Variants in TMEM132D observed in about 807,000 individuals in gnomAD.
TMEM132D encodes mature OL transmembrane protein.
Under a neutral mutation model 62.3 loss-of-function variants are expected in TMEM132D, and 21 were observed. The ratio of observed to expected loss-of-function variants is 0.34; its 90% CI spans 0.24 to 0.49. The LOEUF is 0.49. Ranked by LOEUF, TMEM132D falls within the 20% of genes least tolerant of loss-of-function variation. TMEM132D has a pLI of 0.99. For missense variants in TMEM132D, 1,346 were observed against 1,402.8 expected (o/e 0.96, Z 0.65); for synonymous variants, 621 against 575.6 (o/e 1.08, Z -1.13).
intron 4 of TMEM132D, among the ~76,000 whole-genome samples, chr12:129,244,605 ATGTT>A (rs142267614): frequency 0.017 from 2,518 of 151,844 alleles, 73 homozygotes; most frequent in African/African-American, 0.058. Flanking sequence ...GTGTTTTTTT[ATGTT>A]TGTTTGTTTT....
intron 3 of TMEM132D, among the ~76,000 whole-genome samples, chr12:129,431,583 C>T (rs1283714128): frequency 6.6e-6 from 1 of 152,120 alleles, no homozygotes; most frequent in Non-Finnish European, 1.5e-5. Context: ...CTGGTGCAAG[C>T]CAAGGTCACC....
chr12:129,841,402 C>T (rs1429063843), intron 1 of TMEM132D, among the ~76,000 whole-genome samples: 1 of 152,136 alleles, frequency 6.6e-6, no homozygotes, highest in Non-Finnish European at 1.5e-5. Context: ...TTATTTCATT[C>T]ATTCGGGGCT....
In TMEM132D at chr12:129,421,189, C is replaced by T. The variant is rs147585692; in HGVS notation, c.1116-83372G>A. Among the ~76,000 whole-genome samples the T allele has an allele frequency of 4.0e-3, 611 of 152,160 alleles. 4 individuals are homozygous for T. The highest frequency in any genetic ancestry group is 0.014 in the African/African-American group (579 of 41,494). On this transcript the variant is annotated intron_variant, in intron 3 of 8. Coordinates refer to ENST00000422113, the MANE Select transcript of TMEM132D (RefSeq NM_133448.3). ...TGTTGTTCGGGCTGGTCTCGAACTCCCGGCCTCAAATGATCCGCCTGCCTC... is the reference window on the plus strand; with the variant it reads ...TGTTGTTCGGGCTGGTCTCGAACTCTCGGCCTCAAATGATCCGCCTGCCTC...
chr12:129,630,340 C>T (rs571355839), intron 2 of TMEM132D, among the ~76,000 whole-genome samples: 2 of 152,288 alleles, frequency 1.3e-5, no homozygotes, highest in South Asian at 4.1e-4. Flanking sequence ...AGAAAAACCA[C>T]AGGACACAGA....
chr12:129,537,023 G>A (rs913851910), intron 2 of TMEM132D, among the ~76,000 whole-genome samples: 3 of 151,962 alleles, frequency 2.0e-5, no homozygotes, highest in East Asian at 1.9e-4. Flanking sequence ...AGATGTGGTG[G>A]TGTATGCCTG....
intron 4 of TMEM132D, among the ~76,000 whole-genome samples, chr12:129,275,650 G>T (rs1255996955): frequency 4.6e-5 from 7 of 152,170 alleles, no homozygotes; most frequent in African/African-American, 1.7e-4. Context: ...GGTCAGGGCC[G>T]CCTGCATTCC....
chr12:129,851,180 C>T (rs1873528881), intron 1 of TMEM132D, among the ~76,000 whole-genome samples: 1 of 152,142 alleles, frequency 6.6e-6, no homozygotes, highest in South Asian at 2.1e-4. Flanking sequence ...AAACTGACTT[C>T]TAGAAAGTTC....
intron 2 of TMEM132D, among the ~76,000 whole-genome samples, chr12:129,661,896 G>A (rs1265345352): frequency 2.0e-5 from 3 of 152,108 alleles, no homozygotes; most frequent in Non-Finnish European, 4.4e-5. Context: ...ATAAAATATG[G>A]CTGGTCATAT....
At chr12:129,328,931 A>G (rs965620753) in intron 4 of TMEM132D, among the ~76,000 whole-genome samples, 3 of 151,440 alleles carry the variant, frequency 2.0e-5, no homozygotes, top group African/African-American at 7.3e-5. Context: ...TAGTCATATC[A>G]ACTTCACTGG....
chr12:129,524,941 T>TG, intron 3 of TMEM132D, among the ~76,000 whole-genome samples: 1 of 133,102 alleles, frequency 7.5e-6, no homozygotes, highest in Non-Finnish European at 1.6e-5. Context: ...TTTTTTTTTT[T>TG]TTTGAGACGG....
chr12:129,298,936 C>T (rs1226601145), intron 4 of TMEM132D, among the ~76,000 whole-genome samples: 9 of 152,276 alleles, frequency 5.9e-5, no homozygotes, highest in African/African-American at 1.4e-4. Flanking sequence ...TTAAAAGACA[C>T]GGTCACTGGC....
At position 129,711,257 on chromosome 12, in the gene TMEM132D, G is replaced by C. The variant is rs139856149; in HGVS notation, c.80-10559C>G. Among the ~76,000 whole-genome samples the C allele has an allele frequency of 2.6e-5, 4 of 152,276 alleles. No individual in the cohort carries two copies. In the East Asian group the frequency reaches 5.8e-4, roughly 22 times the overall value. On this transcript the variant is annotated intron_variant, in intron 1 of 8. Coordinates refer to ENST00000422113, the MANE Select transcript of TMEM132D (RefSeq NM_133448.3). ...CGGTATCACATGCCAAAACCTTGGC[G>C]CCATGCATGGCTCCTCTCTGCGTTT...
chr12:129,291,391 C>A (rs980993721), intron 4 of TMEM132D, among the ~76,000 whole-genome samples: 1 of 152,168 alleles, frequency 6.6e-6, no homozygotes, highest in Non-Finnish European at 1.5e-5. Flanking sequence ...TATCTATAAT[C>A]TTTCCATTTG....
intron 5 of TMEM132D, among the ~76,000 whole-genome samples, chr12:129,129,009 G>T (rs73416542): frequency 0.05 from 7,649 of 152,048 alleles, 674 homozygotes; most frequent in African/African-American, 0.18. Context: ...ACTTTCAGAT[G>T]CAGGGGATAC....
At chr12:129,442,726 T>A (rs889942075) in intron 3 of TMEM132D, among the ~76,000 whole-genome samples, 1 of 152,142 alleles carries the variant, frequency 6.6e-6, no homozygotes, top group African/African-American at 2.4e-5. Context: ...CCCAGCCTCA[T>A]GTAAGTCATA....
intron 3 of TMEM132D, among the ~76,000 whole-genome samples, chr12:129,384,151 T>C (rs1379895672): frequency 1.3e-5 from 2 of 152,258 alleles, no homozygotes; most frequent in African/African-American, 4.8e-5. Flanking sequence ...GTGGAGGACA[T>C]TTTAATTAGC....
chr12:129,631,362 C>A (rs1410180739), intron 2 of TMEM132D, among the ~76,000 whole-genome samples: 1 of 152,174 alleles, frequency 6.6e-6, no homozygotes, highest in Non-Finnish European at 1.5e-5. Flanking sequence ...CAGCAAAATG[C>A]AACCTGCAGT....
chr12:129,752,491 A>T (rs975794531), intron 1 of TMEM132D, among the ~76,000 whole-genome samples: 1 of 152,236 alleles, frequency 6.6e-6, no homozygotes, highest in African/African-American at 2.4e-5. Flanking sequence ...TTATGTCCAC[A>T]TGAGCTCTGT....
At chr12:129,356,682 A>AAATAAATG (rs1870065047) in intron 3 of TMEM132D, among the ~76,000 whole-genome samples, 1 of 148,960 alleles carries the variant, frequency 6.7e-6, no homozygotes, top group Non-Finnish European at 1.5e-5. Flanking sequence ...ATAAATAAAT[A>AAATAAATG]AATAAATAAA....
Sources: gnomAD v4.1 joint callset for allele counts (sites outside exome capture counted in the v4.1 genomes callset) on GRCh38, gnomAD v4.1.1 for gene constraint, MANE v1.5 for transcripts, NCBI Gene and HGNC (gene_info 2026-07-23, HGNC 2026-07-21) for gene names.